Variants in SLC1A1 observed in about 807,000 individuals in gnomAD.
SLC1A1 encodes excitatory amino acid transporter 3.
In SLC1A1, 43 loss-of-function variants were observed where a neutral mutation model predicts 53.3. The ratio of observed to expected loss-of-function variants is 0.81; its 90% CI spans 0.63 to 1.04. The LOEUF (loss-of-function observed/expected upper bound fraction) is 1.04. SLC1A1 is among the 50% of genes least tolerant of loss of function. The pLI, the probability that SLC1A1 is intolerant of heterozygous loss-of-function variation, is 0.00. For synonymous variants in SLC1A1, 307 were observed against 243.2 expected (o/e 1.26, Z -2.44); for missense variants, 748 against 664.9 (o/e 1.12, Z -1.37).
rs542538968 is a variant in SLC1A1, at chr9:4,579,701, G to C, written c.1193+2938G>C. ...TGGCTCTACATGGAAAATAATAAAA[G>C]TTGGTTTTGCTTGACAGTTACCATT... On this transcript the variant is annotated intron_variant, in intron 10 of 11. Coordinates refer to ENST00000262352, the MANE Select transcript of SLC1A1 (RefSeq NM_004170.6). Among the ~76,000 whole-genome samples the C allele has an allele frequency of 5.9e-5, 9 of 152,272 alleles. No homozygotes were observed. The South Asian group carries it at 1.4e-3, about 25-fold the overall frequency.
intron 4 of SLC1A1, among the ~76,000 whole-genome samples, chr9:4,565,034 A>G (rs1819345327): frequency 1.3e-5 from 2 of 152,210 alleles, no homozygotes; most frequent in Non-Finnish European, 2.9e-5. Flanking sequence ...ATCATCTGCA[A>G]TTTCCAGGTA....
intron 2 of SLC1A1, among the ~76,000 whole-genome samples, chr9:4,557,165 T>C (rs3780414): frequency 0.34 from 51,422 of 152,100 alleles, 9,080 homozygotes; most frequent in African/African-American, 0.44. Context: ...CTTTCTGTCA[T>C]GTGGAAAGCT....
intron 2 of SLC1A1, among the ~76,000 whole-genome samples, chr9:4,545,187 A>ACGTCTCTC (rs1482539598): frequency 1.2e-4 from 6 of 49,042 alleles, no homozygotes; most frequent in African/African-American, 3.8e-4. Context: ...AATACATTAG[A>ACGTCTCTC]TGTCTCTCTC....
At chr9:4,523,844 G>C (rs1454360776) in intron 1 of SLC1A1, among the ~76,000 whole-genome samples, 2 of 152,168 alleles carry the variant, frequency 1.3e-5, no homozygotes, top group African/African-American at 4.8e-5. Context: ...TTATAGGTGA[G>C]GAAACAGAGG....
intron 2 of SLC1A1, among the ~76,000 whole-genome samples, chr9:4,547,940 A>G (rs117351505): frequency 7.9e-5 from 12 of 152,328 alleles, no homozygotes; most frequent in Non-Finnish European, 1.8e-4. Flanking sequence ...ACAACAGGAT[A>G]GTGTATACAA....
At chr9:4,550,844 G>C (rs1817870776) in intron 2 of SLC1A1, among the ~76,000 whole-genome samples, 1 of 152,206 alleles carries the variant, frequency 6.6e-6, no homozygotes, top group African/African-American at 2.4e-5. Context: ...AAATATTCTA[G>C]GTTTTACAGG....
intron 1 of SLC1A1, among the ~76,000 whole-genome samples, chr9:4,515,635 A>T (rs1821137071): frequency 6.6e-6 from 1 of 152,210 alleles, no homozygotes; most frequent in Admixed American, 6.5e-5. Context: ...TGGAGAGATG[A>T]GAACTTATCC....
chr9:4,576,523 G>A, intron 9 of SLC1A1, 46 bp from the exon 10 acceptor site: 1 of 1,523,314 alleles, frequency 6.6e-7, no homozygotes, highest in Non-Finnish European at 9.1e-7. Context: ...AGGGACTAAG[G>A]TCCAGCATTT....
At chr9:4,530,806 G>C (rs965927861) in intron 1 of SLC1A1, among the ~76,000 whole-genome samples, 6 of 152,192 alleles carry the variant, frequency 3.9e-5, no homozygotes, top group South Asian at 4.1e-4. Flanking sequence ...AAATGCAAAA[G>C]TGTTATTGCC....
At chr9:4,528,868 G>A (rs979043262) in intron 1 of SLC1A1, among the ~76,000 whole-genome samples, 2 of 151,928 alleles carry the variant, frequency 1.3e-5, no homozygotes, top group African/African-American at 4.8e-5. Context: ...ACACATATCC[G>A]TGTCTTCATT....
chr9:4,578,994 T>A (rs1820815822), intron 10 of SLC1A1, among the ~76,000 whole-genome samples: 1 of 152,226 alleles, frequency 6.6e-6, no homozygotes, highest in African/African-American at 2.4e-5. Flanking sequence ...ACATAAATTC[T>A]AGGGATAAAA....
intron 1 of SLC1A1, among the ~76,000 whole-genome samples, chr9:4,534,238 A>T (rs1393650759): frequency 1.3e-5 from 2 of 151,946 alleles, no homozygotes; most frequent in African/African-American, 4.8e-5. Context: ...ATAGAGACAC[A>T]AAAAAACCCT....
At chr9:4,520,229 G>A (rs1209239771) in intron 1 of SLC1A1, among the ~76,000 whole-genome samples, 2 of 152,106 alleles carry the variant, frequency 1.3e-5, no homozygotes, top group Non-Finnish European at 2.9e-5. Flanking sequence ...CACACATCCT[G>A]CCAAGTGGAA....
chr9:4,552,465 C>T (rs1011502837), intron 2 of SLC1A1, among the ~76,000 whole-genome samples: 3 of 151,950 alleles, frequency 2.0e-5, no homozygotes, highest in South Asian at 2.1e-4. Flanking sequence ...ACTTGAAGTG[C>T]GATGCTGGAA....
intron 1 of SLC1A1, among the ~76,000 whole-genome samples, chr9:4,501,244 T>C (rs1479221946): frequency 6.6e-6 from 1 of 151,518 alleles, no homozygotes; most frequent in East Asian, 1.9e-4. Context: ...AGTGTAGTAG[T>C]GTGATCTCGG....
chr9:4,509,571 A>C (rs1166361078), intron 1 of SLC1A1, among the ~76,000 whole-genome samples: 1 of 151,960 alleles, frequency 6.6e-6, no homozygotes, highest in Non-Finnish European at 1.5e-5. Flanking sequence ...TAAAAAAAAA[A>C]ACCCAACCTC....
rs570030036 is a variant in SLC1A1 at position 4,518,523 on chromosome 9, C to T, written c.92-26044C>T. Among the ~76,000 whole-genome samples the T allele has an allele frequency of 1.4e-4, 22 of 152,206 alleles. No individual in the cohort carries two copies. In the South Asian group the frequency reaches 3.5e-3, roughly 24 times the overall value. On this transcript the variant is annotated intron_variant, in intron 1 of 11. Transcript: ENST00000262352. ...CTGGGATTACACACGTGGGCCACTG[C>T]GCCTGGCCTACAGTATGGTTTTTAA...
Position 4,490,638 on chromosome 9 carries a change from C to T in SLC1A1, c.-42C>T. On this transcript the variant is annotated 5_prime_UTR_variant, in exon 1 of 12. It adds an upstream start codon to the 5' untranslated region. Coordinates refer to ENST00000262352, the MANE Select transcript of SLC1A1 (RefSeq NM_004170.6). ...AGCAGTCCCCGGGTCGCCCAGCCCA[C>T]GCGCGCACGGCCGAGCCCAGCGCAC... 2.6e-6 allele frequency: 4 copies of T among 1,558,268 alleles called. No homozygotes were observed. The highest frequency in any genetic ancestry group is 1.8e-6 in the Non-Finnish European group (2 of 1,133,202).
intron 1 of SLC1A1, among the ~76,000 whole-genome samples, chr9:4,518,352 G>C (rs1317162743): frequency 6.6e-6 from 1 of 151,088 alleles, no homozygotes; most frequent in Non-Finnish European, 1.5e-5. Context: ...TACTGCATGG[G>C]GTTTTTTGTG....
Sources: gnomAD v4.1 joint callset for allele counts (sites outside exome capture counted in the v4.1 genomes callset) on GRCh38, gnomAD v4.1.1 for gene constraint, MANE v1.5 for transcripts, NCBI Gene and HGNC (gene_info 2026-07-23, HGNC 2026-07-21) for gene names.